The following DCDC1 variants were observed in gnomAD, a reference collection of about 807,000 sequenced individuals.
DCDC1 encodes the protein doublecortin domain-containing protein 1.
In DCDC1, 200 loss-of-function variants were observed where a neutral mutation model predicts 178.3. That is an observed-to-expected ratio of 1.12 (90% confidence interval 1.00 to 1.26). The LOEUF (loss-of-function observed/expected upper bound fraction) is 1.26, where lower values mean the gene tolerates loss of function less well. Ranked by LOEUF, DCDC1 falls within the 50% of genes most tolerant of loss-of-function variation. The pLI, the probability that DCDC1 is intolerant of heterozygous loss-of-function variation, is 0.00. For synonymous variants in DCDC1, 690 were observed against 604.8 expected (o/e 1.14, Z -2.07); for missense variants, 1,983 against 1,749.2 (o/e 1.13, Z -2.38).
At chr11:31,003,857 A>G (rs905340872) in intron 20 of DCDC1, among the ~76,000 whole-genome samples, 1 of 152,226 alleles carries the variant, frequency 6.6e-6, no homozygotes, top group African/African-American at 2.4e-5. Flanking sequence ...GACTGAAGGA[A>G]GCGTAATCAA....
At chr11:30,924,564 T>C (rs1946478722) in intron 23 of DCDC1, among the ~76,000 whole-genome samples, 1 of 152,012 alleles carries the variant, frequency 6.6e-6, no homozygotes, top group Non-Finnish European at 1.5e-5. Context: ...AGTCACCAAA[T>C]AGAGTGTATG....
chr11:30,878,966 G>GTTC (rs1942397079), intron 37 of DCDC1, among the ~76,000 whole-genome samples: 1 of 152,072 alleles, frequency 6.6e-6, no homozygotes, highest in Admixed American at 6.6e-5. Context: ...GCTAACCTAG[G>GTTC]GCTGGTCTAA....
At chr11:31,128,290 C>A (rs1424829095) in intron 10 of DCDC1, among the ~76,000 whole-genome samples, 1 of 151,982 alleles carries the variant, frequency 6.6e-6, no homozygotes, top group East Asian at 1.9e-4. Flanking sequence ...TCCAGAAACA[C>A]CAAAGGCTAA....
At chr11:31,179,247 A>C (rs141716249) in intron 9 of DCDC1, among the ~76,000 whole-genome samples, 1 of 152,194 alleles carries the variant, frequency 6.6e-6, no homozygotes, top group East Asian at 1.9e-4. Flanking sequence ...GGTGGGATTG[A>C]AAACTACTAC....
chr11:31,290,873 T>A (rs755465517), intron 6 of DCDC1, 21 bp from the exon 7 acceptor site: 22 of 1,599,796 alleles, frequency 1.4e-5, no homozygotes, highest in Admixed American at 1.7e-5. Context: ...ATTTTTTAAG[T>A]CAAGTCAATA....
At chr11:31,343,996 G>C (rs970842065) in intron 1 of DCDC1, among the ~76,000 whole-genome samples, 1 of 152,120 alleles carries the variant, frequency 6.6e-6, no homozygotes, top group African/African-American at 2.4e-5. Context: ...AGTTATATAA[G>C]TGTGAAATCA....
intron 20 of DCDC1, among the ~76,000 whole-genome samples, chr11:30,976,449 T>C (rs1169055428): frequency 1.3e-5 from 2 of 151,834 alleles, no homozygotes; most frequent in African/African-American, 2.4e-5. Context: ...AAGGGGCTGA[T>C]ATCCAGAATA....
intron 20 of DCDC1, among the ~76,000 whole-genome samples, chr11:31,061,228 T>C (rs561907056): frequency 6.6e-5 from 10 of 152,142 alleles, no homozygotes; most frequent in Non-Finnish European, 1.5e-4. Flanking sequence ...GCATGCTTTG[T>C]TGGCTGTCCC....
chr11:30,951,426 A>G (rs1948414678), intron 21 of DCDC1, among the ~76,000 whole-genome samples: 1 of 152,156 alleles, frequency 6.6e-6, no homozygotes, highest in Non-Finnish European at 1.5e-5. Context: ...CTTGCTATCA[A>G]TAACTAAAAG....
chr11:30,912,716 G>A (rs529801706), intron 27 of DCDC1, among the ~76,000 whole-genome samples: 56 of 152,228 alleles, frequency 3.7e-4, no homozygotes, highest in Non-Finnish European at 7.2e-4. Flanking sequence ...TTTTTAATGA[G>A]TCCTGAACCC....
chr11:31,350,669 C>A (rs1158859476), intron 1 of DCDC1, among the ~76,000 whole-genome samples: 3 of 152,098 alleles, frequency 2.0e-5, no homozygotes, highest in African/African-American at 7.2e-5. Flanking sequence ...ACAATATGCT[C>A]ATTGTTCTGT....
intron 7 of DCDC1, among the ~76,000 whole-genome samples, chr11:31,287,770 A>G (rs1946942046): frequency 6.6e-6 from 1 of 152,000 alleles, no homozygotes; most frequent in African/African-American, 2.4e-5. Context: ...CAGGAGGTAC[A>G]GGAAAACTAG....
At chr11:30,900,535 G>A (rs1180565914) in intron 32 of DCDC1, 37 bp from the exon 33 acceptor site, 4 of 1,379,294 alleles carry the variant, frequency 2.9e-6, no homozygotes, top group East Asian at 2.6e-5. Flanking sequence ...ATTGTTCAAC[G>A]AATAATGAAT....
intron 9 of DCDC1, among the ~76,000 whole-genome samples, chr11:31,213,099 GC>G (rs1565441588): frequency 4.1e-4 from 12 of 29,482 alleles, no homozygotes; most frequent in African/African-American, 1.2e-3. Flanking sequence ...ATAAAGCCCA[GC>G]CTCTCTCTCT....
intron 38 of DCDC1, among the ~76,000 whole-genome samples, chr11:30,875,287 A>G (rs569995513): frequency 1.3e-5 from 2 of 152,198 alleles, no homozygotes; most frequent in East Asian, 3.9e-4. Flanking sequence ...GTCGAGAACA[A>G]AACTGTTACT....
chr11:31,115,291 T>A (rs981907514), intron 11 of DCDC1, among the ~76,000 whole-genome samples: 17 of 152,168 alleles, frequency 1.1e-4, no homozygotes, highest in African/African-American at 4.1e-4. Flanking sequence ...GTGCAAGGCC[T>A]AGTTCAGTAC....
rs1958554973 is a variant in DCDC1 at position 31,102,180 on chromosome 11, G to A, written c.1980C>T (p.Asn660=). The A allele has an allele frequency of 4.2e-6, 3 of 711,106 alleles. No individual in the cohort carries two copies. The highest frequency in any genetic ancestry group is 1.5e-5 in the South Asian group (1 of 64,902). 44.0% of individuals were successfully genotyped at this position (711,106 alleles called of 1,614,324 possible). The change falls in exon 15 of 39, where the codon AAC becomes AAT. Residue 660 remains asparagine, a synonymous_variant. Coordinates refer to ENST00000684477, the MANE Select transcript of DCDC1 (RefSeq NM_001387274.1). ...AGTACAATAACTAAAATCCCACCTT[G>A]TTCTGTAGAAAATGGTTCTCCAAGT... is the stretch of plus-strand genomic sequence containing the variant. ...KVDLENHFLQ[N]KVDPNIVLHA...
intron 36 of DCDC1, among the ~76,000 whole-genome samples, chr11:30,884,481 G>T (rs1252653002): frequency 6.6e-6 from 1 of 152,090 alleles, no homozygotes; most frequent in Non-Finnish European, 1.5e-5. Context: ...ACCATCATGT[G>T]AATTTAATAC....
Sources: allele counts gnomAD v4.1 joint callset (sites outside exome capture counted in the v4.1 genomes callset), GRCh38; gene constraint gnomAD v4.1.1; transcripts MANE v1.5; gene names NCBI Gene and HGNC (gene_info 2026-07-23, HGNC 2026-07-21).